Variants in SOCS2 observed in about 807,000 individuals in gnomAD.
SOCS2 encodes CIS-2.
SOCS2 carries 10 observed loss-of-function variants against 18.6 expected under a neutral mutation model. That is an observed-to-expected ratio of 0.54 (90% CI 0.33 to 0.91). The LOEUF (loss-of-function observed/expected upper bound fraction) is 0.91, where lower values mean the gene tolerates loss of function less well. SOCS2 is among the 40% of genes least tolerant of loss of function. The pLI, the probability that SOCS2 is intolerant of heterozygous loss-of-function variation, is 0.02. For missense variants in SOCS2, 231 were observed against 247.2 expected (o/e 0.93, Z 0.44); for synonymous variants, 104 against 104.0 (o/e 1.00, Z 0.00).
chr12:93,608,049 G>A, the SOCS2 span, among the ~76,000 whole-genome samples: 1 of 142,734 alleles, frequency 7.0e-6, no homozygotes, highest in South Asian at 2.2e-4. Flanking sequence ...CACCCAGGCT[G>A]GAATGCAGTG....
chr12:93,607,579 A>T, the SOCS2 span, among the ~76,000 whole-genome samples: 1 of 152,256 alleles, frequency 6.6e-6, no homozygotes, highest in Non-Finnish European at 1.5e-5. Context: ...AGTAAGGAAT[A>T]GGGTGAGGCA....
the SOCS2 span, among the ~76,000 whole-genome samples, chr12:93,589,274 G>C: frequency 1.3e-5 from 2 of 152,136 alleles, no homozygotes; most frequent in African/African-American, 4.8e-5. Flanking sequence ...AGATTTCAAA[G>C]GCATTTCCTG....
At chr12:93,600,299 C>T in the SOCS2 span, among the ~76,000 whole-genome samples, 3 of 152,228 alleles carry the variant, frequency 2.0e-5, no homozygotes, top group African/African-American at 7.2e-5. Context: ...TTTCCATAAG[C>T]ATGGGTCTGT....
downstream of SOCS2, among the ~76,000 whole-genome samples, chr12:93,586,002 A>G (rs751699832): frequency 3.9e-5 from 6 of 152,180 alleles, no homozygotes; most frequent in Non-Finnish European, 8.8e-5. Flanking sequence ...CTATATTTTA[A>G]AGGTTTGTAT....
the SOCS2 span, among the ~76,000 whole-genome samples, chr12:93,608,803 G>A: frequency 2.0e-5 from 3 of 152,116 alleles, no homozygotes; most frequent in African/African-American, 7.2e-5. Flanking sequence ...TGCAACATCA[G>A]TTTAATGGAA....
chr12:93,613,185 CT>C, the SOCS2 span, among the ~76,000 whole-genome samples: 1 of 152,150 alleles, frequency 6.6e-6, no homozygotes, highest in African/African-American at 2.4e-5. Context: ...GTATTTTCTC[CT>C]TTTGAATGAG....
chr12:93,571,901 C>A, upstream of SOCS2: 1 of 434,030 alleles, frequency 2.3e-6, no homozygotes, highest in Non-Finnish European at 4.6e-6. Flanking sequence ...GCGGCGGCCG[C>A]GGCCGAGGTC....
At chr12:93,591,762 G>A in the SOCS2 span, among the ~76,000 whole-genome samples, 5 of 152,294 alleles carry the variant, frequency 3.3e-5, no homozygotes, top group Admixed American at 2.0e-4. Flanking sequence ...ACGTCAAGGC[G>A]TTTCACTTTG....
chr12:93,586,883 C>T (rs987759072), downstream of SOCS2, among the ~76,000 whole-genome samples: 5 of 152,070 alleles, frequency 3.3e-5, no homozygotes, highest in African/African-American at 7.2e-5. Flanking sequence ...AAACACAGTC[C>T]CTGGCCGGGC....
At chr12:93,610,334 G>A in the SOCS2 span, among the ~76,000 whole-genome samples, 2,312 of 152,160 alleles carry the variant, frequency 0.015, 71 homozygotes, top group African/African-American at 0.053. Context: ...CTGGATGGTT[G>A]GTCACTCTGC....
At chr12:93,584,955 G>A (rs745709559), downstream of SOCS2, among the ~76,000 whole-genome samples, 21 of 152,158 alleles carry the variant, frequency 1.4e-4, no homozygotes, top group South Asian at 2.1e-4. Flanking sequence ...TAGAGACAGC[G>A]TTTCACCATG....
At chr12:93,578,903 G>A (rs1954501137), downstream of SOCS2, among the ~76,000 whole-genome samples, 1 of 152,152 alleles carries the variant, frequency 6.6e-6, no homozygotes, top group Non-Finnish European at 1.5e-5. Context: ...CAGAAGCCAG[G>A]CCTGTGGAAT....
chr12:93,590,317 G>A, the SOCS2 span, among the ~76,000 whole-genome samples: 2 of 151,578 alleles, frequency 1.3e-5, no homozygotes, highest in Admixed American at 6.6e-5. Context: ...AGCTACCGAC[G>A]CAAGACTAGC....
chr12:93,590,586 G>C, the SOCS2 span, among the ~76,000 whole-genome samples: 1 of 151,556 alleles, frequency 6.6e-6, no homozygotes, highest in Non-Finnish European at 1.5e-5. Flanking sequence ...CACGAGGTCA[G>C]GAGATCGAGA....
chr12:93,591,184 T>C, the SOCS2 span, among the ~76,000 whole-genome samples: 17 of 151,090 alleles, frequency 1.1e-4, no homozygotes, highest in Non-Finnish European at 2.4e-4. Context: ...ATTTAATCAC[T>C]AGGCTAATGA....
the SOCS2 span, among the ~76,000 whole-genome samples, chr12:93,608,100 A>G: frequency 2.0e-5 from 3 of 150,692 alleles, no homozygotes; most frequent in Non-Finnish European, 4.4e-5. Flanking sequence ...TCCTGAGCTC[A>G]AGTGATCCTC....
At chr12:93,622,367 G>A in the SOCS2 span, among the ~76,000 whole-genome samples, 3 of 152,078 alleles carry the variant, frequency 2.0e-5, no homozygotes, top group East Asian at 1.9e-4. Flanking sequence ...TCATACAGAG[G>A]CACAAAAGTG....
chr12:93,587,532 G>T (rs999534611), downstream of SOCS2, among the ~76,000 whole-genome samples: 2 of 151,718 alleles, frequency 1.3e-5, no homozygotes, highest in East Asian at 2.0e-4. Context: ...ATACAAAAAA[G>T]TAGCCGGGCG....
chr12:93,570,447 G>A (rs914103014), upstream of SOCS2: 2 of 152,282 alleles, frequency 1.3e-5, no homozygotes, highest in African/African-American at 4.8e-5. Context: ...GCACCGGGAC[G>A]AGCACGGCGT....
Sources: allele counts gnomAD v4.1 joint callset (sites outside exome capture counted in the v4.1 genomes callset), GRCh38; gene constraint gnomAD v4.1.1; transcripts MANE v1.5; gene names NCBI Gene and HGNC (gene_info 2026-07-23, HGNC 2026-07-21).